The following NFIC variants were observed in gnomAD, a reference collection of about 807,000 sequenced individuals.
NFIC encodes the protein nuclear factor I C, also known as nuclear factor 1 C-type.
A neutral mutation model predicts 54.4 loss-of-function variants in NFIC; 12 were observed. The ratio of observed to expected loss-of-function variants is 0.22; its 90% CI spans 0.14 to 0.36. NFIC has a LOEUF of 0.36. NFIC is among the 10% of genes least tolerant of loss of function. The pLI, the probability that NFIC is intolerant of heterozygous loss-of-function variation, is 1.00. For synonymous variants in NFIC, 322 were observed against 319.2 expected, an observed-to-expected ratio of 1.01 and a Z score of -0.09; for missense variants, 575 against 718.2, an observed-to-expected ratio of 0.80 and a Z score of 2.28.
At chr19:3,434,213 T>C in intron 4 of NFIC, 64 bp from the exon 5 acceptor site, 1 of 1,555,462 alleles carries the variant, frequency 6.4e-7, no homozygotes, top group Non-Finnish European at 8.7e-7. Context: ...TCCCTACCTC[T>C]CTAAAGCAAA....
At chr19:3,461,135 C>CA (rs1368059435) in intron 10 of NFIC, among the ~76,000 whole-genome samples, 3 of 149,898 alleles carry the variant, frequency 2.0e-5, no homozygotes, top group East Asian at 2.0e-4. Context: ...AAAAAATCAA[C>CA]AAAAAACCTC....
upstream of NFIC, chr19:3,366,546 T>TGGGGGGGGGGGGGGGGGGGGGGG: frequency 3.2e-6 from 1 of 316,918 alleles, no homozygotes; most frequent in South Asian, 8.0e-5. Context: ...GGGGGGGGGG[T>TGGGGGGGGGGGGGGGGGGGGGGG]TGGGGGGGGC....
chr19:3,394,530 A>ACCCCCC lies in NFIC; in HGVS notation c.562+12290_562+12291insCCCCCC, dbSNP rs1270123415. Among the ~76,000 whole-genome samples the ACCCCCC allele has an allele frequency of 7.1e-4, 26 of 36,574 alleles. 1 individual carries two copies. Among genetic ancestry groups the ACCCCCC allele is most frequent in the Middle Eastern group, 0.021 (2 of 94 alleles). The allele number at this position is 36,574 out of a possible 152,430, so 24.0% of individuals were successfully genotyped here. ...ATGATCTTTTCCCCACCCACCCCCC[A>ACCCCCC]CCCGCTTACACTAAGTCTGAAATTT... On this transcript the variant is annotated intron_variant, in intron 2 of 10. Coordinates refer to ENST00000443272, the MANE Select transcript of NFIC (RefSeq NM_001245002.2).
At chr19:3,362,851 G>A (rs577482860), upstream of NFIC, among the ~76,000 whole-genome samples, 2 of 152,252 alleles carry the variant, frequency 1.3e-5, no homozygotes, top group South Asian at 4.2e-4. Context: ...TCATTTGCCT[G>A]CAAGATTATG....
chr19:3,367,347 C>CGATTCTG (rs574903375), intron 1 of NFIC, among the ~76,000 whole-genome samples: 77 of 152,316 alleles, frequency 5.1e-4, no homozygotes, highest in Middle Eastern at 3.4e-3. Context: ...TTCGCTGCAT[C>CGATTCTG]GATTCTGGAT....
intron 2 of NFIC, among the ~76,000 whole-genome samples, chr19:3,397,858 C>G (rs1023015483): frequency 6.6e-6 from 1 of 152,224 alleles, no homozygotes; most frequent in Non-Finnish European, 1.5e-5. Context: ...ACTCATGTGT[C>G]TGACGGGGGT....
At chr19:3,413,308 C>A (rs1250835754) in intron 2 of NFIC, among the ~76,000 whole-genome samples, 2 of 152,074 alleles carry the variant, frequency 1.3e-5, no homozygotes, top group South Asian at 4.2e-4. Context: ...CATCCCAAAC[C>A]GCCAATGAGA....
intron 2 of NFIC, among the ~76,000 whole-genome samples, chr19:3,385,327 A>G (rs991840614): frequency 1.4e-4 from 21 of 150,836 alleles, no homozygotes; most frequent in Non-Finnish European, 2.4e-4. Context: ...CCAGTCACTC[A>G]CCCTCTCTGT....
chr19:3,365,162 C>G (rs2080864655), upstream of NFIC, among the ~76,000 whole-genome samples: 2 of 152,224 alleles, frequency 1.3e-5, no homozygotes, highest in Admixed American at 6.5e-5. Context: ...TCAGTTTCCT[C>G]TCCTGTAATG....
At chr19:3,403,810 C>T (rs1393687385) in intron 2 of NFIC, among the ~76,000 whole-genome samples, 1 of 152,014 alleles carries the variant, frequency 6.6e-6, no homozygotes, top group Non-Finnish European at 1.5e-5. Flanking sequence ...CGGGAGGGGC[C>T]TCCGCCTCCT....
chr19:3,451,274 G>A lies in NFIC; in HGVS notation c.1085-1208G>A, dbSNP rs77348037. Among the ~76,000 whole-genome samples the A allele has an allele frequency of 2.1e-3, 326 of 152,294 alleles. 3 individuals carry two copies. The highest frequency in any genetic ancestry group is 7.6e-3 in the African/African-American group (314 of 41,560). On this transcript the variant is annotated intron_variant, in intron 7 of 10. Transcript: ENST00000443272. ...CCAGCCACAGAGGCAGGAAGGGGAT[G>A]TATGGGTGCTGGGGCTGGGGGAGGA...
intron 2 of NFIC, among the ~76,000 whole-genome samples, chr19:3,408,667 A>C (rs4807462): frequency 3.3e-5 from 5 of 151,912 alleles, no homozygotes; most frequent in African/African-American, 7.2e-5. Flanking sequence ...TGTCGCGCCA[A>C]CTCGGCTCAC....
intron 6 of NFIC, among the ~76,000 whole-genome samples, chr19:3,447,065 G>A (rs1446913634): frequency 1.3e-5 from 2 of 151,992 alleles, no homozygotes; most frequent in African/African-American, 4.8e-5. Flanking sequence ...TTGGGAGGCC[G>A]AGGTGGGTGG....
intron 7 of NFIC, among the ~76,000 whole-genome samples, chr19:3,450,356 A>AG (rs1555682055): frequency 1.1e-3 from 162 of 146,402 alleles, no homozygotes; most frequent in Non-Finnish European, 1.1e-3. Context: ...AAAAAAAAAA[A>AG]AGAGACATCT....
intron 2 of NFIC, among the ~76,000 whole-genome samples, chr19:3,409,756 C>A (rs2081721424): frequency 6.6e-6 from 1 of 152,226 alleles, no homozygotes; most frequent in Non-Finnish European, 1.5e-5. Context: ...AGTGTGTCCG[C>A]CCCGTCAGTG....
Position 3,459,824 on chromosome 19 carries a change from C to T in NFIC, c.1510-2928C>T, listed in dbSNP as rs1014805085. ...GGTGGGGCGCTGGGAACCACTGTGG[C>T]GCCAGTTCCATGGGCTGGCCCAGTG... On this transcript the variant is annotated intron_variant, in intron 10 of 10. Coordinates refer to ENST00000443272, the MANE Select transcript of NFIC (RefSeq NM_001245002.2). The surrounding 1 kb of genome is among the most constrained non-coding windows in gnomAD (Gnocchi z 4.2). Among the ~76,000 whole-genome samples the T allele has an allele frequency of 1.3e-5, 2 of 152,230 alleles. No homozygotes were observed. Among genetic ancestry groups the T allele is most frequent in the South Asian group, 2.1e-4 (1 of 4,832 alleles).
intron 1 of NFIC, among the ~76,000 whole-genome samples, chr19:3,371,881 CTCCTTCCTTCCTTCCTTCCT>C (rs758286013): frequency 1.6e-4 from 16 of 99,916 alleles, no homozygotes; most frequent in African/African-American, 4.2e-4. Flanking sequence ...TTCTTTCTCT[CTCCTTCCTTCCTTCCTTCCT>C]TCCTTCCTTC....
rs957722647 is a variant in NFIC at position 3,432,612 on chromosome 19, G to T, written c.635-906G>T. On this transcript the variant is annotated intron_variant, in intron 3 of 10. Transcript: ENST00000443272. ...GAGAGAGGGAAAGTGACCTGCCCCAGATCACACACCGAGGCAGGTGATGGA... is the reference window on the plus strand; with the variant it reads ...GAGAGAGGGAAAGTGACCTGCCCCATATCACACACCGAGGCAGGTGATGGA... Among the ~76,000 whole-genome samples, 4 of 151,902 alleles carry T rather than the reference G, an allele frequency of 2.6e-5. No homozygotes were observed. The South Asian group carries it at 6.2e-4, about 24-fold the overall frequency.
chr19:3,369,776 C>G lies in NFIC; in HGVS notation c.30+3110C>G, dbSNP rs535784855. 6.6e-6 allele frequency among the ~76,000 whole-genome samples: 1 copy of G among 152,242 alleles called. No individual in the cohort carries two copies. The highest frequency in any genetic ancestry group is 1.5e-5 in the Non-Finnish European group (1 of 68,028). ...GCCTCCCTCCCGCTGGCGCCACCGC[C>G]ACGTTAGTTATTCCGGGTTTGGGGC... On this transcript the variant is annotated intron_variant, in intron 1 of 10. Coordinates refer to ENST00000443272, the MANE Select transcript of NFIC (RefSeq NM_001245002.2). The surrounding 1 kb of genome is among the most constrained non-coding windows in gnomAD (Gnocchi z 4.3).
Sources: allele counts gnomAD v4.1 joint callset (sites outside exome capture counted in the v4.1 genomes callset), GRCh38; gene constraint gnomAD v4.1.1; non-coding constraint Gnocchi (gnomAD v3.1); transcripts MANE v1.5; gene names NCBI Gene and HGNC (gene_info 2026-07-23, HGNC 2026-07-21).